The following PPARGC1B variants were observed in gnomAD, a reference collection of about 807,000 sequenced individuals.
The protein encoded by PPARGC1B is peroxisome proliferator-activated receptor gamma coactivator 1-beta.
PPARGC1B carries 34 observed loss-of-function variants against 101.6 expected under a neutral mutation model. The ratio of observed to expected loss-of-function variants is 0.33; its 90% confidence interval spans 0.25 to 0.45. PPARGC1B has a LOEUF of 0.45. PPARGC1B is among the 20% of genes least tolerant of loss of function. PPARGC1B has a pLI of 1.00. For missense variants in PPARGC1B, 1,234 were observed against 1,317.6 expected, an observed-to-expected ratio of 0.94 and a Z score of 0.98; for synonymous variants, 548 against 539.3, an observed-to-expected ratio of 1.02 and a Z score of -0.22.
At chr5:149,749,262 C>G (rs1477033010) in intron 1 of PPARGC1B, among the ~76,000 whole-genome samples, 1 of 152,190 alleles carries the variant, frequency 6.6e-6, no homozygotes, top group Non-Finnish European at 1.5e-5. Context: ...GCGAAATTCA[C>G]ACAGCATTTT....
chr5:149,794,320 T>C (rs1403656323), intron 1 of PPARGC1B, among the ~76,000 whole-genome samples: 1 of 152,154 alleles, frequency 6.6e-6, no homozygotes, highest in Non-Finnish European at 1.5e-5. Flanking sequence ...TTAGCAAGTG[T>C]TAAGGCCAAG....
intron 1 of PPARGC1B, among the ~76,000 whole-genome samples, chr5:149,737,477 C>T (rs1346331486): frequency 6.6e-6 from 1 of 152,178 alleles, no homozygotes; most frequent in Non-Finnish European, 1.5e-5. Flanking sequence ...CTGCGAGCCC[C>T]TGCTCACCAG....
chr5:149,771,625 C>A (rs561746094), intron 1 of PPARGC1B, among the ~76,000 whole-genome samples: 2 of 152,338 alleles, frequency 1.3e-5, no homozygotes, highest in East Asian at 3.9e-4. Context: ...CACCTGTTAC[C>A]GTGTCCTACA....
intron 1 of PPARGC1B, among the ~76,000 whole-genome samples, chr5:149,818,172 A>G (rs910624549): frequency 6.6e-6 from 1 of 152,182 alleles, no homozygotes; most frequent in African/African-American, 2.4e-5. Flanking sequence ...TTGAGGAAGC[A>G]CCTGTGTCCC....
At position 149,781,928 on chromosome 5, in the gene PPARGC1B, A is replaced by C. The variant is rs554111855; in HGVS notation, c.79-38505A>C. ...TTGCCATTCCTTAGTAAAGAAAAAC[A>C]ATCATTAATGCCATTCCTGGTCAGT... On this transcript the variant is annotated intron_variant, in intron 1 of 11. Transcript: ENST00000309241. Among the ~76,000 whole-genome samples the C allele has an allele frequency of 5.9e-5, 9 of 152,308 alleles. No homozygotes were observed. The South Asian group carries it at 1.9e-3, about 32-fold the overall frequency.
intron 8 of PPARGC1B, among the ~76,000 whole-genome samples, chr5:149,839,813 C>G (rs938537654): frequency 6.6e-6 from 1 of 152,180 alleles, no homozygotes; most frequent in Non-Finnish European, 1.5e-5. Context: ...TCCCGGTGAT[C>G]CAGTCCGGAA....
At chr5:149,737,641 G>A (rs1754770825) in intron 1 of PPARGC1B, among the ~76,000 whole-genome samples, 2 of 152,188 alleles carry the variant, frequency 1.3e-5, no homozygotes, top group Non-Finnish European at 2.9e-5. Context: ...GGCCTTTGGC[G>A]GGTCACATAA....
At chr5:149,818,689 T>G in intron 1 of PPARGC1B, 1 of 365,146 alleles carries the variant, frequency 2.7e-6, no homozygotes, top group Middle Eastern at 9.4e-4. Flanking sequence ...ATATGCCTCT[T>G]TTTGTTCTCT....
chr5:149,792,276 A>G (rs1018049796), intron 1 of PPARGC1B, among the ~76,000 whole-genome samples: 1 of 152,196 alleles, frequency 6.6e-6, no homozygotes, highest in East Asian at 1.9e-4. Context: ...CCAGTGTCCC[A>G]GGGGAGACTT....
chr5:149,804,749 C>G (rs991022361), intron 1 of PPARGC1B, among the ~76,000 whole-genome samples: 7 of 152,212 alleles, frequency 4.6e-5, no homozygotes, highest in Admixed American at 2.6e-4. Flanking sequence ...GCCTCTCTCA[C>G]TGCGACTGAA....
intron 1 of PPARGC1B, among the ~76,000 whole-genome samples, chr5:149,750,794 G>A (rs60599669): frequency 0.027 from 4,094 of 152,302 alleles, 177 homozygotes; most frequent in African/African-American, 0.092. Flanking sequence ...TTTTGCAGCC[G>A]GGTGCATTAG....
In PPARGC1B at chr5:149,833,895, G is replaced by A. The variant is rs544743546; in HGVS notation, c.1705+117G>A. 437 of 1,374,544 alleles carry A rather than the reference G, an allele frequency of 3.2e-4. 2 individuals are homozygous for A. In the African/African-American group the frequency reaches 5.7e-3, roughly 18 times the overall value. The allele number at this position is 1,374,544 out of a possible 1,614,324, so 85.1% of individuals were successfully genotyped here. ...CCCGTCCCCCAACAAAGTGTTATATGGGTTTGGACAAGTCCCTTCCCCTCC... is the reference window on the plus strand; with the variant it reads ...CCCGTCCCCCAACAAAGTGTTATATAGGTTTGGACAAGTCCCTTCCCCTCC... On this transcript the variant is annotated intron_variant, in intron 5 of 11. Coordinates refer to ENST00000309241, the MANE Select transcript of PPARGC1B (RefSeq NM_133263.4). The surrounding 1 kb of genome is among the most constrained non-coding windows in gnomAD (Gnocchi z 4.1).
intron 5 of PPARGC1B, among the ~76,000 whole-genome samples, chr5:149,834,341 A>G (rs1407136302): frequency 6.6e-6 from 1 of 152,220 alleles, no homozygotes; most frequent in East Asian, 1.9e-4. Flanking sequence ...CTACTTAATG[A>G]TGAGCCCTAT....
At chr5:149,733,407 CCTT>C (rs1009365804) in intron 1 of PPARGC1B, among the ~76,000 whole-genome samples, 1 of 152,212 alleles carries the variant, frequency 6.6e-6, no homozygotes, top group African/African-American at 2.4e-5. Context: ...TCCTGCATGG[CCTT>C]CTCCTCTACT....
At chr5:149,775,819 C>T (rs1226377017) in intron 1 of PPARGC1B, among the ~76,000 whole-genome samples, 1 of 152,124 alleles carries the variant, frequency 6.6e-6, no homozygotes, top group Non-Finnish European at 1.5e-5. Context: ...CAATTCACCC[C>T]CTACCCCCTT....
At chr5:149,835,947 CT>C (rs1204139507) in intron 7 of PPARGC1B, among the ~76,000 whole-genome samples, 10,961 of 128,686 alleles carry the variant, frequency 0.085, 658 homozygotes, top group African/African-American at 0.19. Context: ...AAACTAGGGT[CT>C]TTTTTTTTTC....
chr5:149,754,928 C>T (rs974442810), intron 1 of PPARGC1B, among the ~76,000 whole-genome samples: 5 of 150,092 alleles, frequency 3.3e-5, no homozygotes, highest in East Asian at 1.9e-4. Context: ...ACTACAGGCA[C>T]GCGCCACCAT....
intron 1 of PPARGC1B, among the ~76,000 whole-genome samples, chr5:149,804,456 T>C (rs981829964): frequency 6.6e-6 from 1 of 152,130 alleles, no homozygotes; most frequent in African/African-American, 2.4e-5. Flanking sequence ...GGTAGATCAC[T>C]TGAGGTCAGG....
At chr5:149,736,204 A>G (rs543431949) in intron 1 of PPARGC1B, among the ~76,000 whole-genome samples, 10 of 152,282 alleles carry the variant, frequency 6.6e-5, no homozygotes, top group Admixed American at 5.9e-4. Flanking sequence ...CTGTTTTTCA[A>G]TCCTTGAAAT....
Sources: gnomAD v4.1 joint callset for allele counts (sites outside exome capture counted in the v4.1 genomes callset) on GRCh38, gnomAD v4.1.1 for gene constraint, Gnocchi (gnomAD v3.1) non-coding constraint, MANE v1.5 for transcripts, NCBI Gene and HGNC (gene_info 2026-07-23, HGNC 2026-07-21) for gene names.